ANKFN1: variants seen among roughly 807,000 people sequenced by gnomAD.
ANKFN1 encodes ankyrin repeat and fibronectin type-III domain-containing protein 1.
In ANKFN1, 74 loss-of-function variants were observed where a neutral mutation model predicts 108.7. The ratio of observed to expected loss-of-function variants is 0.68; its 90% CI spans 0.56 to 0.83. The LOEUF is 0.83. Among genes scored for constraint, ANKFN1 ranks in the 40% least tolerant of loss-of-function variants. The pLI is 0.00. For missense variants in ANKFN1, 1,505 were observed against 1,382.3 expected (o/e 1.09, Z -1.41); for synonymous variants, 547 against 516.2 (o/e 1.06, Z -0.81).
At chr17:56,146,076 C>G (rs1007325609) in intron 4 of ANKFN1, among the ~76,000 whole-genome samples, 9 of 152,174 alleles carry the variant, frequency 5.9e-5, no homozygotes, top group African/African-American at 2.2e-4. Flanking sequence ...GGCTACAGGC[C>G]CCATGCAAGT....
chr17:56,219,552 A>G (rs1176236101), intron 2 of ANKFN1, among the ~76,000 whole-genome samples: 27 of 152,068 alleles, frequency 1.8e-4, no homozygotes, highest in Admixed American at 1.8e-3. Flanking sequence ...CAATCAATAT[A>G]ATTGTTTTGA....
At chr17:56,264,881 A>T (rs1001547269) in intron 3 of ANKFN1, among the ~76,000 whole-genome samples, 4 of 152,144 alleles carry the variant, frequency 2.6e-5, no homozygotes, top group African/African-American at 9.7e-5. Flanking sequence ...CTCTACAAAT[A>T]CTTTGGGGTC....
chr17:56,315,693 G>A (rs2144474246), intron 3 of ANKFN1, among the ~76,000 whole-genome samples: 1 of 152,304 alleles, frequency 6.6e-6, no homozygotes, highest in South Asian at 2.1e-4. Context: ...TCTGAGCTTA[G>A]AAAGCTCCTC....
At chr17:56,354,403 T>C (rs2046323577) in intron 6 of ANKFN1, among the ~76,000 whole-genome samples, 1 of 150,218 alleles carries the variant, frequency 6.7e-6, no homozygotes, top group African/African-American at 2.5e-5. Context: ...CCACAGTCAA[T>C]GCGGTGGCTT....
chr17:56,299,818 T>C (rs1429255383), intron 3 of ANKFN1, among the ~76,000 whole-genome samples: 1 of 152,232 alleles, frequency 6.6e-6, no homozygotes, highest in East Asian at 1.9e-4. Flanking sequence ...CTATTCTCCA[T>C]TGTGATTCAA....
chr17:56,425,320 C>T (rs931081853), intron 8 of ANKFN1, among the ~76,000 whole-genome samples: 1 of 152,132 alleles, frequency 6.6e-6, no homozygotes, highest in Non-Finnish European at 1.5e-5. Context: ...GAGATAATGT[C>T]CACAATTTAA....
chr17:56,510,576 G>T lies in ANKFN1; in HGVS notation c.2748G>T (p.Leu916=), dbSNP rs938256169. 2 of 1,536,036 alleles carry T rather than the reference G, an allele frequency of 1.3e-6. No individual in the cohort carries two copies. Among genetic ancestry groups the T allele is most frequent in the East Asian group, 2.4e-5 (1 of 40,928 alleles). Residue 916 remains leucine, a synonymous_variant, in exon 21 of 21, where the codon CTG becomes CTT. Transcript: ENST00000682825. The part of the protein sequence containing the change: ...SDALSPRDLD[L]VYLSSHDIAQ... ...CCCTGAGCCCCAGAGACCTGGACCT[G>T]GTCTACCTATCATCTCACGACATTG...
At chr17:56,110,941 T>C (rs1905926538) in intron 4 of ANKFN1, 1 of 152,244 alleles carries the variant, frequency 6.6e-6, no homozygotes, top group Non-Finnish European at 1.5e-5. Flanking sequence ...TTGGGAACCA[T>C]GGTGAAAAGT....
intron 8 of ANKFN1, among the ~76,000 whole-genome samples, chr17:56,416,443 A>C (rs1053064978): frequency 1.3e-5 from 2 of 152,236 alleles, no homozygotes; most frequent in Non-Finnish European, 2.9e-5. Context: ...AAAAACAGGC[A>C]TATTAAAAGG....
At chr17:56,326,766 T>C (rs1380567734) in intron 4 of ANKFN1, among the ~76,000 whole-genome samples, 1 of 152,196 alleles carries the variant, frequency 6.6e-6, no homozygotes, top group Admixed American at 6.5e-5. Flanking sequence ...ATGGGTTCCA[T>C]CATGCTGATA....
intron 1 of ANKFN1, among the ~76,000 whole-genome samples, chr17:56,205,377 A>G (rs1395353095): frequency 1.3e-5 from 2 of 152,234 alleles, no homozygotes; most frequent in Admixed American, 6.5e-5. Flanking sequence ...AGTTGTCAGC[A>G]CTTCTAAATA....
chr17:56,273,092 T>C (rs2043832630), intron 3 of ANKFN1, among the ~76,000 whole-genome samples: 1 of 152,230 alleles, frequency 6.6e-6, no homozygotes, highest in Admixed American at 6.5e-5. Context: ...ATGTTGCACA[T>C]GGCTGACACT....
At chr17:56,239,018 G>A (rs1437676121) in intron 3 of ANKFN1, among the ~76,000 whole-genome samples, 1 of 152,102 alleles carries the variant, frequency 6.6e-6, no homozygotes, top group African/African-American at 2.4e-5. Flanking sequence ...TAAGTCTTCA[G>A]CAGGCAGTTT....
intron 6 of ANKFN1, among the ~76,000 whole-genome samples, chr17:56,363,826 C>T (rs1403743202): frequency 6.6e-6 from 1 of 152,032 alleles, no homozygotes; most frequent in African/African-American, 2.4e-5. Flanking sequence ...AAGCCATGCA[C>T]AGAAAGACAA....
rs1250628816 is a variant in ANKFN1 at position 56,482,447 on chromosome 17, G to A, written c.2183G>A (p.Cys728Tyr). 1 of 1,613,694 alleles carries A rather than the reference G, an allele frequency of 6.2e-7. No homozygotes were observed. The highest frequency in any genetic ancestry group is 1.7e-4 in the Middle Eastern group (1 of 6,058). ...LLLLPASDDV[C>Y]TAPGQNNPYT... is the part of the protein sequence containing the mutation. ...CTGCTCCCTGCCTCAGACGACGTCT[G>A]TACAGCCCCAGGACAGAATAATCCT... The change falls in exon 18 of 21, where the codon TGT becomes TAT. Residue 728 changes from cysteine (C) to tyrosine (Y), a missense_variant. Coordinates refer to ENST00000682825, the MANE Select transcript of ANKFN1 (RefSeq NM_001370326.1).
chr17:56,175,623 A>AC (rs940852547), intron 1 of ANKFN1, among the ~76,000 whole-genome samples: 64 of 152,284 alleles, frequency 4.2e-4, no homozygotes, highest in African/African-American at 1.5e-3. Context: ...ACCTGCCTTC[A>AC]CTGGATAAAA....
chr17:56,250,218 T>G (rs1011141123), intron 3 of ANKFN1, among the ~76,000 whole-genome samples: 2 of 152,200 alleles, frequency 1.3e-5, no homozygotes, highest in African/African-American at 4.8e-5. Context: ...AGTGTTGAGA[T>G]ACACCTATTT....
intron 4 of ANKFN1, among the ~76,000 whole-genome samples, chr17:56,330,839 C>T (rs567298564): frequency 6.6e-6 from 1 of 152,308 alleles, no homozygotes; most frequent in South Asian, 2.1e-4. Flanking sequence ...CTATCCTCTT[C>T]TTCATAAATG....
intron 3 of ANKFN1, among the ~76,000 whole-genome samples, chr17:56,268,381 A>G (rs1192255687): frequency 6.6e-6 from 1 of 152,222 alleles, no homozygotes; most frequent in East Asian, 1.9e-4. Flanking sequence ...TTTGACGCTA[A>G]TGATAACAAA....
Sources: allele counts gnomAD v4.1 joint callset (sites outside exome capture counted in the v4.1 genomes callset), GRCh38; gene constraint gnomAD v4.1.1; transcripts MANE v1.5; gene names NCBI Gene and HGNC (gene_info 2026-07-23, HGNC 2026-07-21).